Variants in PHRF1 observed in about 807,000 individuals in gnomAD.
PHRF1 encodes PHD and RING finger domain-containing protein 1.
In PHRF1, 53 loss-of-function variants were observed where a neutral mutation model predicts 128.9. The ratio of observed to expected loss-of-function variants is 0.41; its 90% CI spans 0.33 to 0.52. PHRF1 has a LOEUF of 0.52. Among genes scored for constraint, PHRF1 ranks in the 20% least tolerant of loss-of-function variants. The pLI, the probability that PHRF1 is intolerant of heterozygous loss-of-function variation, is 0.21. For missense variants in PHRF1, 2,503 were observed against 2,284.5 expected, an observed-to-expected ratio of 1.10 and a Z score of -1.95; for synonymous variants, 1,178 against 980.6, an observed-to-expected ratio of 1.20 and a Z score of -3.76.
At chr11:599,253 C>CTTT (rs754658303) in intron 9 of PHRF1, among the ~76,000 whole-genome samples, 18 of 104,984 alleles carry the variant, frequency 1.7e-4, no homozygotes, top group South Asian at 8.9e-4. Context: ...TTTTTCTTTT[C>CTTT]TTTTTTTTTT....
rs753510167 is a variant in PHRF1 at position 610,761 on chromosome 11, G to C, written c.4677G>C (p.Glu1559Asp). The C allele has an allele frequency of 6.2e-5, 100 of 1,600,152 alleles. No individual in the cohort carries two copies. Among genetic ancestry groups the C allele is most frequent in the Non-Finnish European group, 7.7e-5 (91 of 1,179,018 alleles). The change falls in exon 16 of 18, where the codon GAG becomes GAC. Residue 1559 changes from glutamate to aspartate, a missense_variant and splice_region_variant. Transcript: ENST00000264555. ...RLAAEKTKKE[E>D]YMKKLHMQER... ...CTGCGGAGAAAACCAAGAAGGAGGA[G>C]GTGAGTCCTGCCTCCTCCCACTTTC...
Position 611,025 on chromosome 11 carries a change from G to C in PHRF1, c.4749G>C (p.Gln1583His), listed in dbSNP as rs1856356697. Reference sequence around the variant, plus strand: ...AGCTGGCCATCAAGCCCTTCTACCAGAAGAGGGAGGTGACCAAGGAGGAGT... The same window carrying C: ...AGCTGGCCATCAAGCCCTTCTACCACAAGAGGGAGGTGACCAAGGAGGAGT... Reference protein sequence around the residue: ...EVKLAIKPFYQKREVTKEEYK... With the variant: ...EVKLAIKPFYHKREVTKEEYK... Residue 1583 changes from glutamine to histidine, a missense_variant, in exon 17 of 18, where the codon CAG (glutamine) becomes CAC (histidine). Coordinates refer to ENST00000264555, the MANE Select transcript of PHRF1 (RefSeq NM_001286581.2). The C allele has an allele frequency of 1.2e-6, 2 of 1,613,376 alleles. No individual in the cohort carries two copies. The highest frequency in any genetic ancestry group is 1.7e-5 in the Admixed American group (1 of 59,970).
chr11:583,346 A>G (rs1854331452), intron 3 of PHRF1, among the ~76,000 whole-genome samples: 1 of 151,644 alleles, frequency 6.6e-6, no homozygotes, highest in South Asian at 2.1e-4. Context: ...CAAAAAAAAC[A>G]AACAAAAAAA....
intron 4 of PHRF1, 53 bp downstream of exon 4, chr11:587,517 T>G (rs1854642948): frequency 1.3e-6 from 2 of 1,567,834 alleles, no homozygotes; most frequent in African/African-American, 1.4e-5. Context: ...CCTCCCTGTT[T>G]ATAGGTGACC....
intron 3 of PHRF1, among the ~76,000 whole-genome samples, chr11:585,135 C>G (rs915197475): frequency 1.3e-5 from 2 of 152,226 alleles, no homozygotes; most frequent in African/African-American, 4.8e-5. Context: ...ACCCACGTTG[C>G]TGGGGCTTGG....
In PHRF1 at chr11:608,343, G is replaced by T. The variant is rs747096168; in HGVS notation, c.2887G>T (p.Val963Leu). ...CTCTGAGGAGCGGACGGTGACCTGT[G>T]TGACTGTCGTGGAGCCGGAAGCCCC... ...FGSEERTVTC[V>L]TVVEPEAPPS... Residue 963 changes from valine (V) to leucine (L), a missense_variant, in exon 14 of 18, where the codon GTG becomes TTG. Physicochemically the swap from Val to Leu is conservative, Grantham distance 32. Transcript: ENST00000264555. 3 of 1,610,140 alleles carry T rather than the reference G, an allele frequency of 1.9e-6. No individual in the cohort carries two copies. Among genetic ancestry groups the T allele is most frequent in the Admixed American group, 1.7e-5 (1 of 59,736 alleles).
At chr11:610,435 TCA>T (rs1856298885) in intron 15 of PHRF1, 64 bp from the exon 16 acceptor site, 6 of 1,554,048 alleles carry the variant, frequency 3.9e-6, no homozygotes, top group Admixed American at 1.8e-5. Flanking sequence ...GGCTGAGGCC[TCA>T]CAGCTCCTGG....
Position 581,539 on chromosome 11 carries a change from T to G in PHRF1, c.27T>G (p.Leu9=). 6.2e-7 allele frequency: 1 copy of G among 1,613,582 alleles called. No individual in the cohort carries two copies. Among genetic ancestry groups the G allele is most frequent in the Non-Finnish European group, 8.5e-7 (1 of 1,179,872 alleles). ...TGGATGACGACAGCCTGGATGAGCT[T>G]GTGGCCCGGAGCCCAGGGCCGGATG... The part of the protein sequence containing the change: MDDDSLDE[L]VARSPGPDGH... Residue 9 remains leucine (L), a synonymous_variant, in exon 2 of 18, where the codon CTT becomes CTG. Coordinates refer to ENST00000264555, the MANE Select transcript of PHRF1 (RefSeq NM_001286581.2).
rs747569458 is a variant in PHRF1 at position 607,314 on chromosome 11, A to G, written c.1858A>G (p.Ser620Gly). ...AVQARNLSNG[S>G]VPGFRQSHSP... ...TCAGGCTCGGAACTTGTCAAATGGGAGTGTGCCTGGCTTCAGACAGAGCCA... is the reference window on the plus strand; with the variant it reads ...TCAGGCTCGGAACTTGTCAAATGGGGGTGTGCCTGGCTTCAGACAGAGCCA... Residue 620 changes from serine to glycine, a missense_variant, in exon 14 of 18, where the codon AGT (serine) becomes GGT (glycine). Physicochemically the swap from Ser to Gly is moderately conservative, Grantham distance 56. Transcript: ENST00000264555. 1.9e-6 allele frequency: 3 copies of G among 1,612,638 alleles called. No homozygotes were observed. Among genetic ancestry groups the G allele is most frequent in the Non-Finnish European group, 2.5e-6 (3 of 1,179,866 alleles).
rs1199430082 is a variant in PHRF1, at chr11:608,731, G to A, written c.3275G>A (p.Arg1092Gln). ...WGHSRRTSRS[R>Q]SGSPGSSSYE... ...CACAGCCGGAGGACGTCCCGGTCGCGGTCGGGGAGCCCTGGCAGCTCTTCC... is the reference window on the plus strand; with the variant it reads ...CACAGCCGGAGGACGTCCCGGTCGCAGTCGGGGAGCCCTGGCAGCTCTTCC... The change falls in exon 14 of 18, where the codon CGG becomes CAG. Residue 1092 changes from arginine (R) to glutamine (Q), a missense_variant. Coordinates refer to ENST00000264555, the MANE Select transcript of PHRF1 (RefSeq NM_001286581.2). The A allele has an allele frequency of 5.0e-6, 8 of 1,610,994 alleles. No homozygotes were observed. The highest frequency in any genetic ancestry group is 3.3e-4 in the Middle Eastern group (2 of 6,074).
rs2133067967 is a variant in PHRF1 at position 607,276 on chromosome 11, C to T, written c.1820C>T (p.Ala607Val). Reference sequence around the variant, plus strand: ...CCTGTGAGGCTGGACTTGCCAGCAGCCCCTGGGGCGGTTCAGGCTCGGAAC... The same window carrying T: ...CCTGTGAGGCTGGACTTGCCAGCAGTCCCTGGGGCGGTTCAGGCTCGGAAC... ...GAPVRLDLPAAPGAVQARNLS... is the reference protein window; with the variant it reads ...GAPVRLDLPAVPGAVQARNLS... Residue 607 changes from alanine (A) to valine (V), a missense_variant, in exon 14 of 18, where the codon GCC (alanine) becomes GTC (valine). By Grantham distance (64) the Ala-to-Val change is moderately conservative. Transcript: ENST00000264555. 1.2e-6 allele frequency: 2 copies of T among 1,612,678 alleles called. No homozygotes were observed. Among genetic ancestry groups the T allele is most frequent in the East Asian group, 2.2e-5 (1 of 44,880 alleles).
Position 607,923 on chromosome 11 carries a change from A to G in PHRF1, c.2467A>G (p.Lys823Glu). The G allele has an allele frequency of 6.2e-7, 1 of 1,612,578 alleles. No homozygotes were observed. Among genetic ancestry groups the G allele is most frequent in the South Asian group, 1.1e-5 (1 of 91,082 alleles). The change falls in exon 14 of 18, where the codon AAG becomes GAG. Residue 823 changes from lysine to glutamate, a missense_variant. Transcript: ENST00000264555. The part of the protein sequence containing the change: ...PSPLFSIKKT[K>E]QLRSEVYDPS... ...ACCCCTCTTCTCCATCAAGAAGACGAAGCAGCTGCGGAGCGAGGTCTACGA... is the reference window on the plus strand; with the variant it reads ...ACCCCTCTTCTCCATCAAGAAGACGGAGCAGCTGCGGAGCGAGGTCTACGA...
At position 597,723 on chromosome 11, in the gene PHRF1, G is replaced by A. The variant is rs1855380468; in HGVS notation, c.894+153G>A. Among the ~76,000 whole-genome samples the A allele has an allele frequency of 6.6e-6, 1 of 152,138 alleles. No homozygotes were observed. The highest frequency in any genetic ancestry group is 6.5e-5 in the Admixed American group (1 of 15,280). ...TCGGCCTGCTGAGGGGAGCAGATGA[G>A]TGCACCCCAGGGTGACCCCAGCGGC... is the stretch of plus-strand genomic sequence containing the variant. On this transcript the variant is annotated intron_variant, in intron 8 of 17. Coordinates refer to ENST00000264555, the MANE Select transcript of PHRF1 (RefSeq NM_001286581.2). This position sits in a 1 kb window ranked among gnomAD's most constrained non-coding sequence, Gnocchi z 6.5.
intron 3 of PHRF1, 93 bp from the exon 4 acceptor site, chr11:587,165 TG>T: frequency 8.2e-7 from 1 of 1,224,334 alleles, no homozygotes; most frequent in Non-Finnish European, 1.2e-6. Context: ...ATTGCCGACC[TG>T]GTGTCCTGAG....
At chr11:602,183 G>T (rs1855665628) in intron 10 of PHRF1, among the ~76,000 whole-genome samples, 1 of 152,160 alleles carries the variant, frequency 6.6e-6, no homozygotes, top group Non-Finnish European at 1.5e-5. Context: ...ATACGTCGTG[G>T]CGTTTGTTGT....
At chr11:602,886 C>G (rs893006172) in intron 10 of PHRF1, among the ~76,000 whole-genome samples, 5 of 151,670 alleles carry the variant, frequency 3.3e-5, no homozygotes, top group African/African-American at 1.2e-4. Flanking sequence ...CCTCAGCCTC[C>G]TGAGTCGCTG....
In PHRF1 at chr11:608,358, C is replaced by G; in HGVS notation, c.2902C>G (p.Pro968Ala). Residue 968 changes from proline (P) to alanine (A), a missense_variant, in exon 14 of 18, where the codon CCG becomes GCG. By Grantham distance (27) the Pro-to-Ala change is conservative. Transcript: ENST00000264555. ...RTVTCVTVVE[P>A]EAPPSPDVLQ... The stretch of plus-strand genomic sequence containing the variant: ...GGTGACCTGTGTGACTGTCGTGGAG[C>G]CGGAAGCCCCACCCAGCCCGGACGT... 1 of 1,610,518 alleles carries G rather than the reference C, an allele frequency of 6.2e-7. No individual in the cohort carries two copies. Among genetic ancestry groups the G allele is most frequent in the Non-Finnish European group, 8.5e-7 (1 of 1,179,098 alleles).
Position 582,084 on chromosome 11 carries a change from G to T in PHRF1, c.214+3G>T. 1 of 1,587,244 alleles carries T rather than the reference G, an allele frequency of 6.3e-7. No homozygotes were observed. Among genetic ancestry groups the T allele is most frequent in the East Asian group, 2.3e-5 (1 of 43,492 alleles). On this transcript the variant is annotated splice_donor_region_variant and intron_variant, in intron 3 of 17. Transcript: ENST00000264555. ...GGAAGACCTGGAAGACAGATCTGGT[G>T]AGACAGCTGGTGTTCACGCCGGCTC...
intron 10 of PHRF1, among the ~76,000 whole-genome samples, chr11:602,416 C>G (rs904589196): frequency 1.3e-5 from 2 of 152,202 alleles, no homozygotes; most frequent in South Asian, 4.1e-4. Context: ...CGCGGTGGCT[C>G]ACACCTGTGA....
Sources: gnomAD v4.1 joint callset for allele counts (sites outside exome capture counted in the v4.1 genomes callset) on GRCh38, gnomAD v4.1.1 for gene constraint, Gnocchi (gnomAD v3.1) non-coding constraint, MANE v1.5 for transcripts, NCBI Gene and HGNC (gene_info 2026-07-23, HGNC 2026-07-21) for gene names.